CSMD1: variants seen among roughly 807,000 people sequenced by gnomAD.
The protein encoded by CSMD1 is CUB and sushi domain-containing protein 1.
In CSMD1, 213 loss-of-function variants were observed where a neutral mutation model predicts 417.5. The ratio of observed to expected loss-of-function variants is 0.51; its 90% confidence interval spans 0.46 to 0.57. The LOEUF (loss-of-function observed/expected upper bound fraction) is 0.57. Among genes scored for constraint, CSMD1 ranks in the 20% least tolerant of loss-of-function variants. The pLI, the probability that CSMD1 is intolerant of heterozygous loss-of-function variation, is 0.00. For missense variants in CSMD1, 6,923 were observed against 4,529.7 expected (o/e 1.53, Z -15.17); for synonymous variants, 2,862 against 1,736.8 (o/e 1.65, Z -16.11).
chr8:3,975,901 G>A (rs766962379), intron 5 of CSMD1, among the ~76,000 whole-genome samples: 2 of 152,040 alleles, frequency 1.3e-5, no homozygotes, highest in Non-Finnish European at 2.9e-5. Context: ...TTGCAAATGA[G>A]TGAATGTATT....
intron 3 of CSMD1, among the ~76,000 whole-genome samples, chr8:4,180,440 G>C (rs898273861): frequency 1.2e-4 from 15 of 121,606 alleles, no homozygotes; most frequent in Non-Finnish European, 2.3e-4. Context: ...GGTGGGGGGA[G>C]GGGGGAGGGA....
At chr8:4,337,665 C>G (rs957274726) in intron 3 of CSMD1, among the ~76,000 whole-genome samples, 3 of 152,138 alleles carry the variant, frequency 2.0e-5, no homozygotes, top group Admixed American at 1.3e-4. Flanking sequence ...AGATTATTCT[C>G]ACAGACAATT....
intron 3 of CSMD1, among the ~76,000 whole-genome samples, chr8:4,382,735 T>TG (rs1393415773): frequency 1.3e-5 from 2 of 152,192 alleles, no homozygotes; most frequent in African/African-American, 4.8e-5. Context: ...CGCTTTGCAT[T>TG]GTTAGGTCCA....
chr8:3,388,249 G>C lies in CSMD1; in HGVS notation c.2594-567C>G, dbSNP rs530675823. Reference sequence around the variant, plus strand: ...AAATTTTAGTTTAAGTCAGCCACTTGCAAGATAGCTACTATTAGCCTTTGC... The same window carrying C: ...AAATTTTAGTTTAAGTCAGCCACTTCCAAGATAGCTACTATTAGCCTTTGC... On this transcript the variant is annotated intron_variant, in intron 17 of 69. Coordinates refer to ENST00000635120, the MANE Select transcript of CSMD1 (RefSeq NM_033225.6). Among the ~76,000 whole-genome samples, 4 of 152,294 alleles carry C rather than the reference G, an allele frequency of 2.6e-5. No homozygotes were observed. In the South Asian group the frequency reaches 8.3e-4, roughly 32 times the overall value.
intron 3 of CSMD1, among the ~76,000 whole-genome samples, chr8:4,127,920 G>A (rs1802861472): frequency 6.6e-6 from 1 of 152,178 alleles, no homozygotes; most frequent in African/African-American, 2.4e-5. Flanking sequence ...TCTGACTCCA[G>A]AGCATGCACA....
chr8:4,936,217 GATTA>G (rs1325899518), intron 1 of CSMD1, among the ~76,000 whole-genome samples: 6 of 152,070 alleles, frequency 3.9e-5, no homozygotes, highest in African/African-American at 9.7e-5. Flanking sequence ...ATATAATAAA[GATTA>G]GTTAAAATGT....
At chr8:3,591,873 AGATG>A (rs1247536934) in intron 8 of CSMD1, among the ~76,000 whole-genome samples, 1 of 152,186 alleles carries the variant, frequency 6.6e-6, no homozygotes, top group Non-Finnish European at 1.5e-5. Context: ...ATAGATGAAT[AGATG>A]GATAGATGAC....
At chr8:3,261,435 C>T (rs371717281) in intron 26 of CSMD1, among the ~76,000 whole-genome samples, 11 of 152,094 alleles carry the variant, frequency 7.2e-5, no homozygotes, top group African/African-American at 1.9e-4. Context: ...GTGATGGGTG[C>T]GCCAAAATCC....
chr8:4,381,380 G>C (rs77639151), intron 3 of CSMD1, among the ~76,000 whole-genome samples: 2 of 152,136 alleles, frequency 1.3e-5, no homozygotes, highest in African/African-American at 2.4e-5. Flanking sequence ...GTGGCTGTAA[G>C]AGTAAGCAGG....
intron 2 of CSMD1, among the ~76,000 whole-genome samples, chr8:4,619,588 A>C (rs1036911843): frequency 2.6e-5 from 4 of 152,122 alleles, no homozygotes; most frequent in African/African-American, 9.7e-5. Flanking sequence ...CACCAGATAC[A>C]TCCAGTTATA....
intron 2 of CSMD1, among the ~76,000 whole-genome samples, chr8:4,595,222 A>C (rs373758937): frequency 1.2e-4 from 18 of 151,978 alleles, no homozygotes; most frequent in African/African-American, 3.9e-4. Flanking sequence ...AACAGAACTC[A>C]AATTGGCTTG....
rs1040013862 is a variant in CSMD1, at chr8:3,648,926, A to AT, written c.1010-32130dup. On this transcript the variant is annotated intron_variant, in intron 7 of 69. Coordinates refer to ENST00000635120, the MANE Select transcript of CSMD1 (RefSeq NM_033225.6). ...TAAATGACCAAGTGTAACAACAGCTATTTTTTTTTCTTTAACAGAACCCGT... is the reference window on the plus strand; with the variant it reads ...TAAATGACCAAGTGTAACAACAGCTATTTTTTTTTTCTTTAACAGAACCCGT... 4.5e-4 allele frequency among the ~76,000 whole-genome samples: 68 copies of AT among 151,238 alleles called. 1 individual carries two copies. Among genetic ancestry groups the AT allele is most frequent in the Non-Finnish European group, 6.8e-4 (46 of 67,734 alleles).
intron 5 of CSMD1, among the ~76,000 whole-genome samples, chr8:3,839,455 A>ATATATTATATATTATATAAT (rs1802961982): frequency 8.2e-6 from 1 of 122,554 alleles, no homozygotes; most frequent in Non-Finnish European, 1.6e-5. Flanking sequence ...TTATAATATA[A>ATATATTATATATTATATAAT]TATATTATAT....
intron 26 of CSMD1, among the ~76,000 whole-genome samples, chr8:3,232,940 TA>T (rs35804251): frequency 0.2 from 30,687 of 151,096 alleles, 3,294 homozygotes; most frequent in East Asian, 0.42. Flanking sequence ...TTCAGTTATT[TA>T]AAAAAAAAAT....
Position 3,712,428 on chromosome 8 carries a change from G to C in CSMD1, c.932-3937C>G, listed in dbSNP as rs199826791. Reference sequence around the variant, plus strand: ...AGACAGACAGACAGACAGACAGACAGACAGACAGACAGACAGAGAGAGAGA... The same window carrying C: ...AGACAGACAGACAGACAGACAGACACACAGACAGACAGACAGAGAGAGAGA... On this transcript the variant is annotated intron_variant, in intron 6 of 69. Coordinates refer to ENST00000635120, the MANE Select transcript of CSMD1 (RefSeq NM_033225.6). Among the ~76,000 whole-genome samples, 387 of 149,070 alleles carry C rather than the reference G, an allele frequency of 2.6e-3. 3 individuals carry two copies. The highest frequency in any genetic ancestry group is 9.1e-3 in the African/African-American group (363 of 39,884).
At chr8:3,591,739 C>G (rs545371703) in intron 8 of CSMD1, among the ~76,000 whole-genome samples, 1 of 151,404 alleles carries the variant, frequency 6.6e-6, no homozygotes, top group East Asian at 1.9e-4. Flanking sequence ...GACAGATACA[C>G]AGATAAACGG....
chr8:4,752,597 T>G (rs1480824223), intron 1 of CSMD1, among the ~76,000 whole-genome samples: 2 of 152,086 alleles, frequency 1.3e-5, no homozygotes. Flanking sequence ...ATGAGTGAAA[T>G]TCTAGAAAAA....
At chr8:3,244,033 T>G (rs1799718875) in intron 26 of CSMD1, among the ~76,000 whole-genome samples, 1 of 152,156 alleles carries the variant, frequency 6.6e-6, no homozygotes, top group African/African-American at 2.4e-5. Flanking sequence ...AAAATGCTTC[T>G]CACATCTGTA....
chr8:4,278,162 A>G (rs1356711575), intron 3 of CSMD1, among the ~76,000 whole-genome samples: 3 of 152,324 alleles, frequency 2.0e-5, no homozygotes, highest in East Asian at 3.9e-4. Context: ...CTATTCTTGA[A>G]TTTCAGACTA....
Sources: allele counts gnomAD v4.1 joint callset (sites outside exome capture counted in the v4.1 genomes callset), GRCh38; gene constraint gnomAD v4.1.1; transcripts MANE v1.5; gene names NCBI Gene and HGNC (gene_info 2026-07-23, HGNC 2026-07-21).